The following BCCIP variants were observed in gnomAD, a reference collection of about 807,000 sequenced individuals.
The protein encoded by BCCIP is BRCA2 and CDKN1A interacting protein, also known as BRCA2 and CDKN1A-interacting protein.
Under a neutral mutation model 32.8 loss-of-function variants are expected in BCCIP, and 23 were observed. That is an observed-to-expected ratio of 0.70 (90% confidence interval 0.51 to 0.99). The LOEUF (loss-of-function observed/expected upper bound fraction) is 0.99. Ranked by LOEUF, BCCIP falls within the 50% of genes least tolerant of loss-of-function variation. BCCIP has a pLI of 0.00. For missense variants in BCCIP, 378 were observed against 379.8 expected, an observed-to-expected ratio of 1.00 and a Z score of 0.04; for synonymous variants, 144 against 137.6, an observed-to-expected ratio of 1.05 and a Z score of -0.33.
intron 7 of BCCIP, among the ~76,000 whole-genome samples, chr10:125,848,606 C>T (rs75887663): frequency 0.016 from 2,489 of 152,292 alleles, 33 homozygotes; most frequent in South Asian, 0.033. Flanking sequence ...TTGCTGTTAT[C>T]TGCCATGGCT....
At chr10:125,826,429 A>T in intron 1 of BCCIP, 162 bp from the exon 2 acceptor site, 1 of 1,059,582 alleles carries the variant, frequency 9.4e-7, no homozygotes, top group Non-Finnish European at 1.3e-6. Context: ...AAACTAGGTT[A>T]CTCTGAGTGT....
chr10:125,853,352 A>G (rs972295813), exon 8 of BCCIP: 2 of 575,544 alleles, frequency 3.5e-6, no homozygotes, highest in East Asian at 3.1e-5. Context: ...GAGATCTCAA[A>G]TGTTAGGATT....
intron 7 of BCCIP, chr10:125,852,575 ATC>A: frequency 6.2e-7 from 1 of 1,613,828 alleles, no homozygotes; most frequent in Non-Finnish European, 8.5e-7. Flanking sequence ...CTGCTTGCGT[ATC>A]TCTGCCTGGC....
chr10:125,834,030 T>C (rs976635655), intron 6 of BCCIP, 84 bp downstream of exon 6: 10 of 1,449,346 alleles, frequency 6.9e-6, no homozygotes, highest in East Asian at 2.3e-5. Flanking sequence ...TCTCCCACTT[T>C]AGGTCCAAGT....
At position 125,852,575 on chromosome 10, in the gene BCCIP, A is replaced by G; in HGVS notation, c.851-550A>G. The G allele has an allele frequency of 6.2e-7, 1 of 1,613,828 alleles. No homozygotes were observed. Among genetic ancestry groups the G allele is most frequent in the Middle Eastern group, 1.6e-4 (1 of 6,062 alleles). ...AGATGAGCCAAGAATCTGCTTGCGT[A>G]TCTCTGCCTGGCTCTGGCTGATGGG... On this transcript the variant is annotated intron_variant, in intron 7 of 7. Transcript: ENST00000368759.
downstream of BCCIP, among the ~76,000 whole-genome samples, chr10:125,844,624 CT>C (rs1483688288): frequency 6.6e-6 from 1 of 152,214 alleles, no homozygotes; most frequent in East Asian, 1.9e-4. Flanking sequence ...TGCATTTTAT[CT>C]CCCCAGTGTG....
chr10:125,830,631 T>C lies in BCCIP; in HGVS notation c.391T>C (p.Leu131=), dbSNP rs781599955. The C allele has an allele frequency of 5.0e-6, 8 of 1,606,090 alleles. No homozygotes were observed. In the South Asian group the frequency reaches 7.8e-5, roughly 16 times the overall value. Residue 131 remains leucine (L), a synonymous_variant, in exon 4 of 7, where the codon TTA becomes CTA. Transcript: ENST00000278100. The part of the protein sequence containing the change: ...EDEVFGFISL[L]NLTERKGTQC... ...TGAGGTTTTTGGTTTCATAAGCCTT[T>C]TAAATTTAACTGAAAGAAAGGTTGG...
chr10:125,839,584 T>C (rs10901453), downstream of BCCIP, among the ~76,000 whole-genome samples: 19,166 of 152,248 alleles, frequency 0.13, 1,629 homozygotes, highest in Non-Finnish European at 0.19. Flanking sequence ...TTAATCAAAC[T>C]AGGCAGGAAA....
chr10:125,841,145 C>T (rs1854866601), downstream of BCCIP: 2 of 1,385,674 alleles, frequency 1.4e-6, no homozygotes, highest in South Asian at 1.4e-5. Context: ...ACTTAGAAAT[C>T]CCAGAAATTT....
At chr10:125,836,923 T>C, downstream of BCCIP, 3 of 1,389,988 alleles carry the variant, frequency 2.2e-6, no homozygotes, top group Non-Finnish European at 3.0e-6. Flanking sequence ...AAACATTATG[T>C]CTGGGCACTT....
At chr10:125,825,677 T>A (rs1344590306) in intron 1 of BCCIP, 3 of 152,242 alleles carry the variant, frequency 2.0e-5, no homozygotes, top group Admixed American at 1.3e-4. Context: ...GTTCTTCAGC[T>A]AAGACCTAAA....
downstream of BCCIP, among the ~76,000 whole-genome samples, chr10:125,839,998 C>CT (rs1564822196): frequency 1.3e-5 from 2 of 152,238 alleles, no homozygotes; most frequent in Non-Finnish European, 2.9e-5. Context: ...CTTTGAAACA[C>CT]TAACTCCCTG....
At position 125,841,953 on chromosome 10, in the gene BCCIP, A is replaced by G. The variant is rs777759988; in HGVS notation, c.*594A>G. ...TCTGGTGCTAGGAAAGGAAAAAAAT[A>G]ATAATTTAAGAGTCTCATATGGCTA... On this transcript the variant is annotated 3_prime_UTR_variant, in exon 7 of 7. Coordinates refer to the BCCIP transcript ENST00000299130. 2.5e-6 allele frequency: 4 copies of G among 1,570,002 alleles called. No homozygotes were observed. The African/African-American group carries it at 5.5e-5, about 22-fold the overall frequency.
chr10:125,834,045 C>A (rs1458326756), intron 6 of BCCIP, 99 bp downstream of exon 6: 2 of 1,320,510 alleles, frequency 1.5e-6, no homozygotes, highest in Non-Finnish European at 2.1e-6. Context: ...CCAAGTCTTT[C>A]AAGTGTGGCT....
downstream of BCCIP, among the ~76,000 whole-genome samples, chr10:125,837,514 ACCT>A (rs1271185132): frequency 2.6e-5 from 4 of 151,968 alleles, no homozygotes; most frequent in African/African-American, 9.7e-5. Context: ...TGCAGCCTTG[ACCT>A]CCTGGGCTCA....
chr10:125,827,967 G>GAAAAAAAAAAAAAAAAAAAAAAAAA (rs11296499), intron 3 of BCCIP, among the ~76,000 whole-genome samples: 2 of 62,304 alleles, frequency 3.2e-5, no homozygotes, highest in Non-Finnish European at 3.1e-5. Flanking sequence ...CCCTATATCT[G>GAAAAAAAAAAAAAAAAAAAAAAAAA]AAAAAAAAAA....
chr10:125,834,303 T>C (rs966011707), intron 6 of BCCIP, among the ~76,000 whole-genome samples: 2 of 152,190 alleles, frequency 1.3e-5, no homozygotes, highest in African/African-American at 4.8e-5. Flanking sequence ...ATGTGGACTT[T>C]AAGGCATAGG....
At chr10:125,852,988 G>T in intron 7 of BCCIP, 2 of 670,686 alleles carry the variant, frequency 3.0e-6, no homozygotes, top group Non-Finnish European at 5.2e-6. Context: ...TCACCTGATA[G>T]TGCCATGTTT....
At position 125,823,667 on chromosome 10, in the gene BCCIP, A is replaced by C. The variant is rs761327886; in HGVS notation, c.110A>C (p.Glu37Ala). The change falls in exon 1 of 7, where the codon GAA becomes GCA. Residue 37 changes from glutamate to alanine, a missense_variant. Glu to Ala is a moderately radical substitution (Grantham distance 107, BLOSUM62 -1). Coordinates refer to ENST00000278100, the MANE Select transcript of BCCIP (RefSeq NM_078468.3). ...EEEKEVENEDEDDDDSDKEKD... is the reference protein window; with the variant it reads ...EEEKEVENEDADDDDSDKEKD... ...GAAAAAGAAGTCGAAAATGAGGATG[A>C]AGACGATGATGACAGTGACAAGGAA... 1 of 1,614,170 alleles carries C rather than the reference A, an allele frequency of 6.2e-7. No homozygotes were observed. Among genetic ancestry groups the C allele is most frequent in the South Asian group, 1.1e-5 (1 of 91,086 alleles).
Sources: allele counts gnomAD v4.1 joint callset (sites outside exome capture counted in the v4.1 genomes callset), GRCh38; gene constraint gnomAD v4.1.1; transcripts MANE v1.5; gene names NCBI Gene and HGNC (gene_info 2026-07-23, HGNC 2026-07-21).